The following CCNE2 variants were observed in gnomAD, a reference collection of about 807,000 sequenced individuals.
CCNE2 encodes cyclin E2, also known as G1/S-specific cyclin-E2.
CCNE2 carries 18 observed loss-of-function variants against 56.8 expected under a neutral mutation model. That is an observed-to-expected ratio of 0.32 (90% CI 0.22 to 0.47). CCNE2 has a LOEUF of 0.47. Ranked by LOEUF, CCNE2 falls within the 20% of genes least tolerant of loss-of-function variation. CCNE2 has a pLI of 1.00. For missense variants in CCNE2, 371 were observed against 467.1 expected (o/e 0.79, Z 1.90); for synonymous variants, 139 against 149.2 (o/e 0.93, Z 0.50).
At chr8:94,885,727 C>A (rs75264984) in intron 7 of CCNE2, among the ~76,000 whole-genome samples, 169 bp from the exon 8 acceptor site, 4 of 114,146 alleles carry the variant, frequency 3.5e-5, no homozygotes, top group Admixed American at 9.1e-5. Flanking sequence ...CATTTTCTTT[C>A]TTTTTTTTTT....
At position 94,888,034 on chromosome 8, in the gene CCNE2, G is replaced by T; in HGVS notation, c.493C>A (p.Leu165Ile). 1 of 1,590,960 alleles carries T rather than the reference G, an allele frequency of 6.3e-7. No homozygotes were observed. Among genetic ancestry groups the T allele is most frequent in the South Asian group, 1.1e-5 (1 of 87,018 alleles). ...AATCTATCAAAAAAGTCTTGTGCAA[G>T]ATAAAATGTTTCCCTATGAAGTGTG... ...VYTLHRETFY[L>I]AQDFFDRFML... The change falls in exon 7 of 12, where the codon CTT becomes ATT. Residue 165 changes from leucine to isoleucine, a missense_variant. Physicochemically the swap from Leu to Ile is conservative, Grantham distance 5. Coordinates refer to ENST00000308108, the MANE Select transcript of CCNE2 (RefSeq NM_057749.3).
intron 5 of CCNE2, among the ~76,000 whole-genome samples, chr8:94,890,874 G>A (rs753167364): frequency 3.9e-5 from 6 of 152,166 alleles, no homozygotes; most frequent in Non-Finnish European, 4.4e-5. Flanking sequence ...GATTACAGGC[G>A]TGACCCACCA....
rs764100180 is a variant in CCNE2, at chr8:94,885,454, T to C, written c.696+9A>G. On this transcript the variant is annotated intron_variant, in intron 8 of 11. Coordinates refer to ENST00000308108, the MANE Select transcript of CCNE2 (RefSeq NM_057749.3). ...TTTTTTGCAACTAGGAAAACATAATTATTATTACCTTTAATATAATGAGTT... is the reference window on the plus strand; with the variant it reads ...TTTTTTGCAACTAGGAAAACATAATCATTATTACCTTTAATATAATGAGTT... 1.3e-6 allele frequency: 2 copies of C among 1,502,140 alleles called. No homozygotes were observed. The highest frequency in any genetic ancestry group is 2.4e-5 in the South Asian group (2 of 83,242). The allele number at this position is 1,502,140 out of a possible 1,614,324, so 93.1% of individuals were successfully genotyped here. A position where few individuals can be genotyped will look rare whatever the true frequency, so the allele number is the denominator to read the frequency against.
intron 1 of CCNE2, 127 bp downstream of exon 1, chr8:94,895,050 T>C (rs1372283312): frequency 1.0e-5 from 4 of 393,810 alleles, no homozygotes; most frequent in African/African-American, 8.7e-5. Context: ...CGGGAACCCA[T>C]GACCCCCAGT....
intron 9 of CCNE2, chr8:94,883,600 C>A (rs1816916548): frequency 4.2e-6 from 1 of 240,316 alleles, no homozygotes. Context: ...TAGATTGGAT[C>A]ACAAAGGGTC....
intron 10 of CCNE2, among the ~76,000 whole-genome samples, 193 bp from the exon 11 acceptor site, chr8:94,882,482 T>C (rs1021360645): frequency 2.0e-5 from 3 of 152,264 alleles, no homozygotes; most frequent in Non-Finnish European, 4.4e-5. Flanking sequence ...GAAAAAGGAC[T>C]TCAGAACTTC....
chr8:94,882,086 T>C (rs1253230929), intron 11 of CCNE2, 46 bp downstream of exon 11: 1 of 1,554,820 alleles, frequency 6.4e-7, no homozygotes, highest in Non-Finnish European at 8.7e-7. Flanking sequence ...TTTGGTGACT[T>C]ACTAGATTCA....
chr8:94,888,690 A>G (rs993726412), intron 6 of CCNE2, among the ~76,000 whole-genome samples: 3 of 152,150 alleles, frequency 2.0e-5, no homozygotes. Context: ...ATGCCCAGCT[A>G]ATTTTTTGTA....
chr8:94,893,261 T>G (rs11775475), intron 4 of CCNE2, among the ~76,000 whole-genome samples: 26,323 of 150,536 alleles, frequency 0.17, 2,448 homozygotes, highest in Middle Eastern at 0.27. Context: ...TCTAAAATAC[T>G]AATCACTTTC....
In CCNE2 at chr8:94,883,206, G is replaced by A. The variant is rs1228488615; in HGVS notation, c.832-314C>T. On this transcript the variant is annotated intron_variant, in intron 9 of 11. Coordinates refer to ENST00000308108, the MANE Select transcript of CCNE2 (RefSeq NM_057749.3). The stretch of plus-strand genomic sequence containing the variant: ...CAGGAGAATGGCGTGAACCCGGGAT[G>A]CAGAGCTTGCAGTGAGCAGAGATCG... Among the ~76,000 whole-genome samples, 8 of 152,000 alleles carry A rather than the reference G, an allele frequency of 5.3e-5. No individual in the cohort carries two copies. The South Asian group carries it at 1.5e-3, about 28-fold the overall frequency.
At chr8:94,890,313 G>T in intron 6 of CCNE2, 102 bp downstream of exon 6, 2 of 963,250 alleles carry the variant, frequency 2.1e-6, no homozygotes, top group South Asian at 2.6e-5. Flanking sequence ...CAGCTTCCTG[G>T]GGATGAACAA....
intron 7 of CCNE2, among the ~76,000 whole-genome samples, 169 bp from the exon 8 acceptor site, chr8:94,885,727 CTTTTTTTTTTTT>C (rs747420459): frequency 2.6e-5 from 3 of 114,148 alleles, no homozygotes; most frequent in East Asian, 5.0e-4. Context: ...CATTTTCTTT[CTTTTTTTTTTTT>C]TTTTTTTTTG....
chr8:94,890,575 A>ATG (rs1491445790), intron 5 of CCNE2, 25 bp from the exon 6 acceptor site: 1 of 558,270 alleles, frequency 1.8e-6, no homozygotes, highest in South Asian at 7.9e-5. Flanking sequence ...GAAAAAAACC[A>ATG]TATATATATA....
intron 6 of CCNE2, 86 bp from the exon 7 acceptor site, chr8:94,888,159 T>C (rs1052750553): frequency 1.1e-6 from 1 of 936,186 alleles, no homozygotes; most frequent in African/African-American, 1.7e-5. Context: ...GACTTTAAAA[T>C]ATGTTTAAGC....
Position 94,894,341 on chromosome 8 carries a change from T to C in CCNE2, c.-26-94A>G, listed in dbSNP as rs1817374365. 8 of 1,262,990 alleles carry C rather than the reference T, an allele frequency of 6.3e-6. No homozygotes were observed. The South Asian group carries it at 9.9e-5, about 16-fold the overall frequency. 78.2% of individuals were successfully genotyped at this position (1,262,990 alleles called of 1,614,324 possible). A position where few individuals can be genotyped will look rare whatever the true frequency, so the allele number is the denominator to read the frequency against. On this transcript the variant is annotated intron_variant, in intron 1 of 11. Transcript: ENST00000308108. ...CGCTGATTCGCAGGTGAAAGCTCAG[T>C]CCCTCCGAAGGGGGCCTGGGCCCTG...
At chr8:94,889,065 T>C (rs550081561) in intron 6 of CCNE2, among the ~76,000 whole-genome samples, 209 of 152,146 alleles carry the variant, frequency 1.4e-3, no homozygotes, top group African/African-American at 4.8e-3. Flanking sequence ...AGAGAGTCGC[T>C]TGAACGCGAG....
chr8:94,892,007 A>G, intron 5 of CCNE2: 1 of 855,782 alleles, frequency 1.2e-6, no homozygotes. Context: ...ATCTTTAGTG[A>G]AAAGGAACAA....
intron 5 of CCNE2, 58 bp downstream of exon 5, chr8:94,892,760 T>C (rs1045541105): frequency 2.3e-6 from 2 of 887,958 alleles, no homozygotes; most frequent in Non-Finnish European, 1.6e-6. Flanking sequence ...AATAGTGCCA[T>C]GTATTAAATC....
Position 94,880,320 on chromosome 8 carries a change from G to A in CCNE2, c.*1312C>T, listed in dbSNP as rs535959057. On this transcript the variant is annotated 3_prime_UTR_variant, in exon 12 of 12. Transcript: ENST00000308108. ...AAGGTTAAGTTTATATAATACATAT[G>A]TACACAATTAGTGGTGTTTTCTTTT... 3.3e-5 allele frequency: 22 copies of A among 667,386 alleles called. No individual in the cohort carries two copies. The highest frequency in any genetic ancestry group is 4.9e-5 in the Non-Finnish European group (19 of 389,788). The allele number at this position is 667,386 out of a possible 1,614,324, so 41.3% of individuals were successfully genotyped here.
Sources: allele counts gnomAD v4.1 joint callset (sites outside exome capture counted in the v4.1 genomes callset), GRCh38; gene constraint gnomAD v4.1.1; transcripts MANE v1.5; gene names NCBI Gene and HGNC (gene_info 2026-07-23, HGNC 2026-07-21).